The following MAGI2 variants were observed in gnomAD, a reference collection of about 807,000 sequenced individuals.
The protein encoded by MAGI2 is membrane associated guanylate kinase, WW and PDZ domain containing 2.
A neutral mutation model predicts 133.3 loss-of-function variants in MAGI2; 35 were observed. That is an observed-to-expected ratio of 0.26 (90% CI 0.20 to 0.35). The LOEUF (loss-of-function observed/expected upper bound fraction) is 0.35. Ranked by LOEUF, MAGI2 falls within the 10% of genes least tolerant of loss-of-function variation. The pLI, the probability that MAGI2 is intolerant of heterozygous loss-of-function variation, is 1.00. For synonymous variants in MAGI2, 729 were observed against 710.6 expected (o/e 1.03, Z -0.41); for missense variants, 1,636 against 1,863.4 (o/e 0.88, Z 2.25).
At chr7:78,770,477 C>CA (rs1485385235) in intron 2 of MAGI2, among the ~76,000 whole-genome samples, 4 of 152,176 alleles carry the variant, frequency 2.6e-5, no homozygotes, top group African/African-American at 9.7e-5. Flanking sequence ...GAAGAAATGC[C>CA]AAGTCAGCAG....
chr7:78,998,400 G>A (rs374866761), intron 2 of MAGI2, among the ~76,000 whole-genome samples: 16 of 152,080 alleles, frequency 1.1e-4, no homozygotes, highest in African/African-American at 3.6e-4. Context: ...AGCCATTAGA[G>A]TTCATTTTAC....
At chr7:79,340,080 T>C (rs1219161390) in intron 1 of MAGI2, among the ~76,000 whole-genome samples, 1 of 152,250 alleles carries the variant, frequency 6.6e-6, no homozygotes, top group Non-Finnish European at 1.5e-5. Context: ...TTTAACATTT[T>C]CCCCCTCAAA....
intron 20 of MAGI2, among the ~76,000 whole-genome samples, chr7:78,109,196 C>G (rs1313208482): frequency 7.1e-6 from 1 of 140,386 alleles, no homozygotes; most frequent in Non-Finnish European, 1.5e-5. Flanking sequence ...CCCAGCTACT[C>G]GGGAGGCTGA....
intron 2 of MAGI2, among the ~76,000 whole-genome samples, chr7:78,786,101 CCT>C (rs747329124): frequency 6.6e-6 from 1 of 151,892 alleles, no homozygotes; most frequent in Non-Finnish European, 1.5e-5. Context: ...TAGATTCTTC[CCT>C]CTCTGTTAAA....
chr7:78,284,228 T>A (rs561383228), intron 9 of MAGI2, among the ~76,000 whole-genome samples: 2 of 151,658 alleles, frequency 1.3e-5, no homozygotes, highest in South Asian at 4.1e-4. Context: ...TAGGCAAATG[T>A]TTTTTTAAGA....
intron 4 of MAGI2, chr7:78,517,963 C>T (rs938097256): frequency 4.0e-5 from 6 of 151,006 alleles, no homozygotes; most frequent in African/African-American, 1.5e-4. Flanking sequence ...AAAAAGAAAA[C>T]TGCAGTTTAA....
intron 9 of MAGI2, among the ~76,000 whole-genome samples, chr7:78,283,435 T>C (rs186322080): frequency 6.6e-6 from 1 of 152,252 alleles, no homozygotes; most frequent in East Asian, 1.9e-4. Flanking sequence ...GTCAGTCTGA[T>C]ATTGTGTCAA....
At chr7:78,440,514 T>C (rs887158548) in intron 6 of MAGI2, among the ~76,000 whole-genome samples, 2 of 152,104 alleles carry the variant, frequency 1.3e-5, no homozygotes, top group Admixed American at 6.6e-5. Flanking sequence ...GTTTGCTATA[T>C]GGAATAAGGA....
chr7:78,753,108 A>T (rs1823608418), intron 2 of MAGI2, among the ~76,000 whole-genome samples: 2 of 152,232 alleles, frequency 1.3e-5, no homozygotes, highest in Non-Finnish European at 2.9e-5. Flanking sequence ...AGAAACAAGA[A>T]AATATCACTC....
intron 1 of MAGI2, among the ~76,000 whole-genome samples, chr7:79,402,359 G>C (rs548947893): frequency 6.6e-6 from 1 of 152,276 alleles, no homozygotes; most frequent in East Asian, 1.9e-4. Flanking sequence ...TTCAGAGACA[G>C]AGGGAGGGAC....
intron 21 of MAGI2, among the ~76,000 whole-genome samples, chr7:78,057,999 A>ATGTGTGTGTGTGTGTGTGTGTGTGTGTG (rs762405456): frequency 0.038 from 4,105 of 108,542 alleles, 426 homozygotes; most frequent in African/African-American, 0.091. Flanking sequence ...ATATATATAT[A>ATGTGTGTGTGTGTGTGTGTGTGTGTGTG]TATATGTATG....
chr7:79,398,129 C>T (rs1845192903), intron 1 of MAGI2, among the ~76,000 whole-genome samples: 1 of 152,096 alleles, frequency 6.6e-6, no homozygotes, highest in Non-Finnish European at 1.5e-5. Context: ...ATGCAAGTCC[C>T]TTGTCATATG....
At chr7:78,223,297 C>T (rs1411494476) in intron 10 of MAGI2, among the ~76,000 whole-genome samples, 1 of 152,068 alleles carries the variant, frequency 6.6e-6, no homozygotes, top group Non-Finnish European at 1.5e-5. Context: ...TCTTAAAATG[C>T]TCTCCACTTT....
intron 9 of MAGI2, among the ~76,000 whole-genome samples, chr7:78,287,620 G>C (rs1157132879): frequency 6.6e-6 from 1 of 152,090 alleles, no homozygotes; most frequent in Non-Finnish European, 1.5e-5. Context: ...GATGACTACT[G>C]AATTAATCTT....
chr7:78,866,355 A>G (rs960155294), intron 2 of MAGI2, among the ~76,000 whole-genome samples: 1 of 152,056 alleles, frequency 6.6e-6, no homozygotes, highest in African/African-American at 2.4e-5. Context: ...AAAGTGAGTG[A>G]GTATGCTAAC....
At chr7:78,945,517 T>A (rs899795212) in intron 2 of MAGI2, among the ~76,000 whole-genome samples, 1 of 152,182 alleles carries the variant, frequency 6.6e-6, no homozygotes, top group Non-Finnish European at 1.5e-5. Context: ...ACAAATAACA[T>A]CCACTCTTTA....
intron 10 of MAGI2, among the ~76,000 whole-genome samples, chr7:78,230,034 C>T (rs113206360): frequency 3.9e-5 from 6 of 152,192 alleles, no homozygotes; most frequent in Admixed American, 6.5e-5. Context: ...ATATTTGAAT[C>T]GACACATTGT....
At chr7:78,214,877 C>A (rs1788112377) in intron 10 of MAGI2, among the ~76,000 whole-genome samples, 1 of 152,176 alleles carries the variant, frequency 6.6e-6, no homozygotes, top group East Asian at 1.9e-4. Context: ...TTCTCTTTCT[C>A]CCTGTTTATT....
At chr7:78,932,113 C>G (rs1217370425) in intron 2 of MAGI2, among the ~76,000 whole-genome samples, 1 of 151,962 alleles carries the variant, frequency 6.6e-6, no homozygotes, top group African/African-American at 2.4e-5. Flanking sequence ...CCCAAATTCC[C>G]CCATGGAAGC....
Sources: allele counts gnomAD v4.1 joint callset (sites outside exome capture counted in the v4.1 genomes callset), GRCh38; gene constraint gnomAD v4.1.1; transcripts MANE v1.5; gene names NCBI Gene and HGNC (gene_info 2026-07-23, HGNC 2026-07-21).